Variants in SEMA6D observed in about 807,000 individuals in gnomAD.
The protein encoded by SEMA6D is semaphorin-6D.
In SEMA6D, 35 loss-of-function variants were observed where a neutral mutation model predicts 106.6. That is an observed-to-expected ratio of 0.33 (90% CI 0.25 to 0.44). The LOEUF (loss-of-function observed/expected upper bound fraction) is 0.44. Ranked by LOEUF, SEMA6D falls within the 20% of genes least tolerant of loss-of-function variation. SEMA6D has a pLI of 1.00. For missense variants in SEMA6D, 1,185 were observed against 1,345.9 expected, an observed-to-expected ratio of 0.88 and a Z score of 1.87; for synonymous variants, 499 against 487.7, an observed-to-expected ratio of 1.02 and a Z score of -0.31.
intron 1 of SEMA6D, among the ~76,000 whole-genome samples, chr15:47,294,160 G>GA (rs200171975): frequency 1.3e-3 from 200 of 148,520 alleles, no homozygotes; most frequent in Non-Finnish European, 1.9e-3. Flanking sequence ...AGTTCCGAAG[G>GA]AAAAACAAAA....
chr15:47,617,005 C>A (rs905726028), intron 4 of SEMA6D, among the ~76,000 whole-genome samples: 5 of 152,148 alleles, frequency 3.3e-5, no homozygotes, highest in African/African-American at 1.2e-4. Context: ...TAGCCCAGGG[C>A]CAAGACTTGC....
intron 1 of SEMA6D, among the ~76,000 whole-genome samples, chr15:47,199,920 T>G (rs1894609928): frequency 6.6e-6 from 1 of 152,170 alleles, no homozygotes; most frequent in Admixed American, 6.6e-5. Context: ...GTTCTCATTA[T>G]GAAAGTTACT....
At chr15:47,195,668 G>A (rs1049176330) in intron 1 of SEMA6D, among the ~76,000 whole-genome samples, 1 of 151,956 alleles carries the variant, frequency 6.6e-6, no homozygotes, top group Non-Finnish European at 1.5e-5. Flanking sequence ...TTTAACCCCT[G>A]ACCCTGACCA....
intron 1 of SEMA6D, among the ~76,000 whole-genome samples, chr15:47,326,776 G>A (rs546112161): frequency 5.3e-5 from 8 of 152,226 alleles, no homozygotes; most frequent in African/African-American, 1.4e-4. Context: ...ATTTGTCAGC[G>A]GAGAAAGAAA....
At chr15:47,245,236 C>A (rs1476298339) in intron 1 of SEMA6D, among the ~76,000 whole-genome samples, 1 of 152,090 alleles carries the variant, frequency 6.6e-6, no homozygotes, top group Non-Finnish European at 1.5e-5. Flanking sequence ...GTTTCTGGGT[C>A]AAATGGTAGT....
chr15:47,272,568 A>G (rs2034605653), intron 1 of SEMA6D: 1 of 152,310 alleles, frequency 6.6e-6, no homozygotes, highest in African/African-American at 2.4e-5. Context: ...TTGATTATTT[A>G]CATAGATGCA....
At chr15:47,766,399 G>C (rs562755783) in intron 15 of SEMA6D, among the ~76,000 whole-genome samples, 1 of 151,734 alleles carries the variant, frequency 6.6e-6, no homozygotes, top group South Asian at 2.1e-4. Flanking sequence ...TGGATGGAGA[G>C]AAAAAACCAA....
chr15:47,540,430 G>C (rs2045319535), intron 3 of SEMA6D, among the ~76,000 whole-genome samples: 1 of 151,122 alleles, frequency 6.6e-6, no homozygotes, highest in African/African-American at 2.4e-5. Flanking sequence ...TCGTTAACTT[G>C]TACTGAAAAA....
chr15:47,472,605 T>G (rs1368305130), intron 3 of SEMA6D, among the ~76,000 whole-genome samples: 1 of 152,196 alleles, frequency 6.6e-6, no homozygotes, highest in Non-Finnish European at 1.5e-5. Flanking sequence ...ATTAATCTTG[T>G]GGTTTGTGTA....
chr15:47,229,977 A>G (rs1193576927), intron 1 of SEMA6D, among the ~76,000 whole-genome samples: 1 of 152,134 alleles, frequency 6.6e-6, no homozygotes, highest in Non-Finnish European at 1.5e-5. Context: ...TGTTCCAAAT[A>G]GTGCATGAAA....
intron 1 of SEMA6D, among the ~76,000 whole-genome samples, chr15:47,247,368 G>C (rs1407083128): frequency 6.6e-6 from 1 of 151,642 alleles, no homozygotes; most frequent in Non-Finnish European, 1.5e-5. Flanking sequence ...GAAAAAGAAA[G>C]CAAAAAATGC....
intron 1 of SEMA6D, among the ~76,000 whole-genome samples, chr15:47,243,114 T>C (rs1227002535): frequency 6.6e-6 from 1 of 152,082 alleles, no homozygotes; most frequent in Non-Finnish European, 1.5e-5. Context: ...AATTGGAATC[T>C]CCAAACCTGA....
Position 47,766,667 on chromosome 15 carries a change from G to A in SEMA6D, c.1698G>A (p.Gly566=). 6.2e-7 allele frequency: 1 copy of A among 1,606,738 alleles called. No individual in the cohort carries two copies. Among genetic ancestry groups the A allele is most frequent in the South Asian group, 1.1e-5 (1 of 90,852 alleles). The part of the protein sequence containing the change: ...DTEFGNTAHL[G]DCHEILPTST... The stretch of plus-strand genomic sequence containing the variant: ...AATTCGGCAACACAGCTCATCTAGG[G>A]GACTGCCATGGTAAGACAGAATCTT... Residue 566 remains glycine (G), a synonymous_variant, in exon 16 of 19, where the codon GGG becomes GGA. Transcript: ENST00000536845.
chr15:47,346,184 G>C (rs927298908), intron 1 of SEMA6D, among the ~76,000 whole-genome samples: 7 of 152,052 alleles, frequency 4.6e-5, no homozygotes, highest in African/African-American at 1.7e-4. Flanking sequence ...GGTGAGTTTG[G>C]ATTGACAAAC....
chr15:47,327,388 T>A (rs1045677702), intron 1 of SEMA6D, among the ~76,000 whole-genome samples: 14 of 152,358 alleles, frequency 9.2e-5, no homozygotes, highest in East Asian at 3.9e-4. Flanking sequence ...TAACTTTTTT[T>A]ATTAAAATCC....
intron 1 of SEMA6D, among the ~76,000 whole-genome samples, chr15:47,288,671 GAGT>G (rs1264412118): frequency 6.6e-6 from 1 of 152,096 alleles, no homozygotes. Flanking sequence ...TGAATGAGAG[GAGT>G]AGTGGGCAAA....
chr15:47,487,504 C>G (rs1458094176), intron 3 of SEMA6D, among the ~76,000 whole-genome samples: 1 of 152,166 alleles, frequency 6.6e-6, no homozygotes, highest in Non-Finnish European at 1.5e-5. Flanking sequence ...ATATGCATAT[C>G]TATACATGTA....
intron 3 of SEMA6D, among the ~76,000 whole-genome samples, chr15:47,573,385 T>G (rs1196330594): frequency 6.6e-6 from 1 of 152,228 alleles, no homozygotes; most frequent in African/African-American, 2.4e-5. Context: ...GCTAAAGAAG[T>G]TATTCAAAAG....
At chr15:47,245,680 A>T (rs535713705) in intron 1 of SEMA6D, among the ~76,000 whole-genome samples, 1 of 152,326 alleles carries the variant, frequency 6.6e-6, no homozygotes, top group Non-Finnish European at 1.5e-5. Flanking sequence ...CATGCTAAGC[A>T]TGGAGTATAG....
Sources: allele counts gnomAD v4.1 joint callset (sites outside exome capture counted in the v4.1 genomes callset), GRCh38; gene constraint gnomAD v4.1.1; transcripts MANE v1.5; gene names NCBI Gene and HGNC (gene_info 2026-07-23, HGNC 2026-07-21).